Variants in PRUNE2 observed in about 807,000 individuals in gnomAD.
The protein encoded by PRUNE2 is protein prune homolog 2.
In PRUNE2, 164 loss-of-function variants were observed where a neutral mutation model predicts 252.0. That is an observed-to-expected ratio of 0.65 (90% CI 0.57 to 0.74). The LOEUF (loss-of-function observed/expected upper bound fraction) is 0.74. Among genes scored for constraint, PRUNE2 ranks in the 30% least tolerant of loss-of-function variants. PRUNE2 has a pLI of 0.00. For missense variants in PRUNE2, 3,495 were observed against 3,711.0 expected, an observed-to-expected ratio of 0.94 and a Z score of 1.51; for synonymous variants, 1,292 against 1,350.2, an observed-to-expected ratio of 0.96 and a Z score of 0.94.
At chr9:76,850,204 C>CG (rs1369767874) in intron 3 of PRUNE2, among the ~76,000 whole-genome samples, 1 of 152,096 alleles carries the variant, frequency 6.6e-6, no homozygotes, top group East Asian at 1.9e-4. Context: ...TGCACCACCA[C>CG]CCTAGCTCAT....
chr9:76,797,669 G>T (rs1013775350), intron 6 of PRUNE2, among the ~76,000 whole-genome samples: 9 of 150,018 alleles, frequency 6.0e-5, no homozygotes, highest in Admixed American at 4.0e-4. Flanking sequence ...ATCTTGAACC[G>T]CCCCCCACCC....
intron 12 of PRUNE2, among the ~76,000 whole-genome samples, chr9:76,642,191 C>A (rs1440334948): frequency 6.6e-6 from 1 of 152,070 alleles, no homozygotes; most frequent in East Asian, 1.9e-4. Flanking sequence ...TTTATTTATG[C>A]AGATGGCAAG....
chr9:76,807,284 G>A (rs999684539), intron 6 of PRUNE2, among the ~76,000 whole-genome samples: 1 of 151,812 alleles, frequency 6.6e-6, no homozygotes, highest in African/African-American at 2.4e-5. Context: ...ATGTTCCCAG[G>A]ATGGTCTCGA....
At chr9:76,735,081 T>C (rs1225117888) in intron 6 of PRUNE2, among the ~76,000 whole-genome samples, 1 of 151,978 alleles carries the variant, frequency 6.6e-6, no homozygotes, top group Non-Finnish European at 1.5e-5. Flanking sequence ...AGGACAACAC[T>C]GAGAAACAGA....
Position 76,708,902 on chromosome 9 carries a change from C to T in PRUNE2, c.3372G>A (p.Gln1124=). 1 of 1,613,964 alleles carries T rather than the reference C, an allele frequency of 6.2e-7. No individual in the cohort carries two copies. The highest frequency in any genetic ancestry group is 8.5e-7 in the Non-Finnish European group (1 of 1,179,896). ...CCATATCTGAGATCGTTGCAGTGGA[C>T]TGAGTATCCTCCAAAATCACTCTGT... ...LWNRVILEDT[Q]STATISDMDN... is the part of the protein sequence containing the mutation. The change falls in exon 8 of 19, where the codon CAG becomes CAA. Residue 1124 remains glutamine (Q), a synonymous_variant. Transcript: ENST00000376718.
At chr9:76,864,443 C>G (rs1589655370) in intron 1 of PRUNE2, among the ~76,000 whole-genome samples, 1 of 149,106 alleles carries the variant, frequency 6.7e-6, no homozygotes, top group Non-Finnish European at 1.5e-5. Flanking sequence ...TCCCTGGATC[C>G]TAAAGAAATA....
At chr9:76,720,183 C>G (rs1329015) in intron 6 of PRUNE2, among the ~76,000 whole-genome samples, 33,079 of 152,090 alleles carry the variant, frequency 0.22, 4,065 homozygotes, top group East Asian at 0.58. Flanking sequence ...ACAGTGTTAA[C>G]TGGAAGATAA....
intron 16 of PRUNE2, chr9:76,625,116 A>C: frequency 8.5e-7 from 1 of 1,169,826 alleles, no homozygotes. Context: ...GGGAAAAATG[A>C]CAAGTAAATG....
Position 76,850,474 on chromosome 9 carries a change from A to T in PRUNE2, c.333T>A (p.Ser111Arg). The change falls in exon 3 of 19, where the codon AGT (serine) becomes AGA (arginine). Residue 111 changes from serine (S) to arginine (R), a missense_variant. Coordinates refer to ENST00000376718, the MANE Select transcript of PRUNE2 (RefSeq NM_015225.3). Reference sequence around the variant, plus strand: ...ACAGTGGATCTTACCTCGCCAGCACACTGCTGCCAACAAGTGTTATCGATA... The same window carrying T: ...ACAGTGGATCTTACCTCGCCAGCACTCTGCTGCCAACAAGTGTTATCGATA... ...GKLSITLVGS[S>R]VLASEDKTLE... The T allele has an allele frequency of 6.2e-7, 1 of 1,613,006 alleles. No homozygotes were observed. Among genetic ancestry groups the T allele is most frequent in the Non-Finnish European group, 8.5e-7 (1 of 1,178,938 alleles).
In PRUNE2 at chr9:76,746,733, A is replaced by AAC. The variant is rs1564202944; in HGVS notation, c.757-33013_757-33012insGT. Among the ~76,000 whole-genome samples the AAC allele has an allele frequency of 6.4e-3, 965 of 150,208 alleles. 17 individuals carry two copies. The highest frequency in any genetic ancestry group is 0.023 in the African/African-American group (935 of 40,836). Reference sequence around the variant, plus strand: ...TCTCAAAAAAAAAAAAAAAAAAAAAAAAAAAAAACCCCAAAGAGCAGGATT... The same window carrying AAC: ...TCTCAAAAAAAAAAAAAAAAAAAAAAACAAAAAAAACCCCAAAGAGCAGGATT... On this transcript the variant is annotated intron_variant, in intron 6 of 18. Transcript: ENST00000376718.
intron 15 of PRUNE2, among the ~76,000 whole-genome samples, chr9:76,632,840 C>T (rs1838294942): frequency 6.6e-6 from 1 of 152,184 alleles, no homozygotes. Flanking sequence ...GAATTATAGG[C>T]ACAAGTCTAT....
Position 76,706,450 on chromosome 9 carries a change from C to G in PRUNE2, c.5824G>C (p.Val1942Leu). ...KEKDSREQTF[V>L]SAAGDELTPE... is the part of the protein sequence containing the mutation. ...GTCAGCTCATCACCAGCAGCAGACA[C>G]AAAGGTTTGCTCTCTTGAGTCCTTT... is the stretch of plus-strand genomic sequence containing the variant. The change falls in exon 8 of 19, where the codon GTG becomes CTG. Residue 1942 changes from valine (V) to leucine (L), a missense_variant. By Grantham distance (32) the Val-to-Leu change is conservative. Transcript: ENST00000376718. The G allele has an allele frequency of 6.2e-7, 1 of 1,613,994 alleles. No individual in the cohort carries two copies. The highest frequency in any genetic ancestry group is 8.5e-7 in the Non-Finnish European group (1 of 1,179,874).
Position 76,705,722 on chromosome 9 carries a change from G to C in PRUNE2, c.6552C>G (p.Ala2184=). The C allele has an allele frequency of 6.2e-7, 1 of 1,614,034 alleles. No individual in the cohort carries two copies. The highest frequency in any genetic ancestry group is 8.5e-7 in the Non-Finnish European group (1 of 1,179,890). Residue 2184 remains alanine, a synonymous_variant, in exon 8 of 19, where the codon GCC becomes GCG. Transcript: ENST00000376718. The stretch of plus-strand genomic sequence containing the variant: ...AAGGTTCAGGTGAACCTTTATGAGA[G>C]GCGGGCTGAGAGGAGCCCTTTATGT... The part of the protein sequence containing the change: ...QADIKGSSQP[A]SHKGSPEPSE...
At chr9:76,746,827 A>C (rs2135666743) in intron 6 of PRUNE2, among the ~76,000 whole-genome samples, 1 of 151,182 alleles carries the variant, frequency 6.6e-6, no homozygotes, top group South Asian at 2.1e-4. Context: ...GGCTCATAGG[A>C]GCTCACACCC....
rs1477449832 is a variant in PRUNE2, at chr9:76,830,739, C to T, written c.509-4007G>A. ...GACAAAGACAAACACCTCTAGGTGCCTGATAGTAAAACTGCTAAAAAAATT... is the reference window on the plus strand; with the variant it reads ...GACAAAGACAAACACCTCTAGGTGCTTGATAGTAAAACTGCTAAAAAAATT... On this transcript the variant is annotated intron_variant, in intron 4 of 18. Transcript: ENST00000376718. Among the ~76,000 whole-genome samples the T allele has an allele frequency of 1.3e-5, 2 of 150,360 alleles. 1 individual carries two copies. The highest frequency in any genetic ancestry group is 3.0e-5 in the Non-Finnish European group (2 of 67,716).
rs556274463 is a variant in PRUNE2 at position 76,709,934 on chromosome 9, C to T, written c.2340G>A (p.Glu780=). 2 of 1,613,810 alleles carry T rather than the reference C, an allele frequency of 1.2e-6. No homozygotes were observed. Among genetic ancestry groups the T allele is most frequent in the Admixed American group, 1.7e-5 (1 of 60,008 alleles). ...CATCATCTGTAGGATTTCCCCAGGG[C>T]TCGGGCATGGCTGTGGGAGAGCGAC... is the stretch of plus-strand genomic sequence containing the variant. ...HSGRSPTAMP[E]PWGNPTDDGE... Residue 780 remains glutamate (E), a synonymous_variant, in exon 8 of 19, where the codon GAG becomes GAA. Transcript: ENST00000376718.
At chr9:76,821,100 G>A (rs144081997) in intron 6 of PRUNE2, among the ~76,000 whole-genome samples, 42 of 152,272 alleles carry the variant, frequency 2.8e-4, no homozygotes, top group South Asian at 1.0e-3. Context: ...TGTAAAGAGT[G>A]AAGTCCTAAG....
chr9:76,840,654 C>T (rs1323813001), intron 4 of PRUNE2, among the ~76,000 whole-genome samples: 4 of 152,094 alleles, frequency 2.6e-5, no homozygotes, highest in African/African-American at 9.7e-5. Flanking sequence ...CATAAAATAT[C>T]GGCATTCTTT....
chr9:76,721,292 T>C (rs2047627243), intron 6 of PRUNE2, among the ~76,000 whole-genome samples: 1 of 152,210 alleles, frequency 6.6e-6, no homozygotes, highest in Non-Finnish European at 1.5e-5. Flanking sequence ...GTCTTTTTCA[T>C]CATTTCCACC....
Sources: allele counts gnomAD v4.1 joint callset (sites outside exome capture counted in the v4.1 genomes callset), GRCh38; gene constraint gnomAD v4.1.1; transcripts MANE v1.5; gene names NCBI Gene and HGNC (gene_info 2026-07-23, HGNC 2026-07-21).